CAMK2G: variants seen among roughly 807,000 people sequenced by gnomAD.
CAMK2G encodes the protein calcium/calmodulin-dependent protein kinase type II subunit gamma.
CAMK2G carries 23 observed loss-of-function variants against 88.7 expected under a neutral mutation model. That is an observed-to-expected ratio of 0.26 (90% CI 0.19 to 0.37). The LOEUF (loss-of-function observed/expected upper bound fraction) is 0.37, where lower values mean the gene tolerates loss of function less well. Among genes scored for constraint, CAMK2G ranks in the 10% least tolerant of loss-of-function variants. The pLI is 1.00. For missense variants in CAMK2G, 476 were observed against 780.8 expected (o/e 0.61, Z 4.65); for synonymous variants, 263 against 294.8 (o/e 0.89, Z 1.11).
chr10:73,830,208 C>G (rs1469637681), intron 14 of CAMK2G, among the ~76,000 whole-genome samples: 1 of 152,176 alleles, frequency 6.6e-6, no homozygotes, highest in African/African-American at 2.4e-5. Flanking sequence ...CAGGGATTTG[C>G]CCTTAGCCAT....
chr10:73,873,615 C>T (rs1591531647), intron 1 of CAMK2G: 3 of 766,430 alleles, frequency 3.9e-6, no homozygotes, highest in Non-Finnish European at 4.8e-6. Flanking sequence ...GCTCAACTGA[C>T]AGCAAGGGAA....
chr10:73,870,109 T>TA (rs958268170), intron 2 of CAMK2G, among the ~76,000 whole-genome samples: 5 of 152,080 alleles, frequency 3.3e-5, no homozygotes, highest in African/African-American at 1.2e-4. Flanking sequence ...GATTTAAAAA[T>TA]AAAAAAAGAC....
chr10:73,814,838 C>T (rs2084907382), intron 22 of CAMK2G, 165 bp downstream of exon 22: 2 of 601,292 alleles, frequency 3.3e-6, no homozygotes, highest in Non-Finnish European at 5.9e-6. Flanking sequence ...CCTAGTCTGT[C>T]TGATTTCCAA....
At chr10:73,868,246 G>A (rs1365974682) in intron 2 of CAMK2G, among the ~76,000 whole-genome samples, 1 of 152,188 alleles carries the variant, frequency 6.6e-6, no homozygotes, top group African/African-American at 2.4e-5. Context: ...CAAGGGTATG[G>A]TGACAAGGGA....
Position 73,819,763 on chromosome 10 carries a change from C to CA in CAMK2G, c.1250-119dup, listed in dbSNP as rs571480740. On this transcript the variant is annotated intron_variant, in intron 18 of 22. Coordinates refer to ENST00000423381, the MANE Select transcript of CAMK2G (RefSeq NM_001367534.1). The stretch of plus-strand genomic sequence containing the variant: ...AGCCCATGGCGCTGCAGAGCCGGGG[C>CA]AAGGGGACGCCTCGCCTCAGGCTGC... 1.0e-4 allele frequency: 66 copies of CA among 631,688 alleles called. No homozygotes were observed. In the African/African-American group the frequency reaches 1.2e-3, roughly 11 times the overall value. 39.1% of individuals were successfully genotyped at this position (631,688 alleles called of 1,614,324 possible).
intron 14 of CAMK2G, among the ~76,000 whole-genome samples, chr10:73,835,954 A>T (rs370809555): frequency 6.6e-6 from 1 of 151,520 alleles, no homozygotes; most frequent in Admixed American, 6.6e-5. Context: ...CCTGCCTCAG[A>T]CTCCCGAGTG....
intron 12 of CAMK2G, among the ~76,000 whole-genome samples, chr10:73,840,669 G>T (rs1003345546): frequency 5.9e-5 from 9 of 152,240 alleles, no homozygotes; most frequent in African/African-American, 1.7e-4. Flanking sequence ...CTGAAATGGA[G>T]GGGGAGGCTG....
rs549574825 is a variant in CAMK2G at position 73,836,779 on chromosome 10, G to C, written c.1053+689C>G. ...CCCCAAAGCATCTACAGAATGTCTTGGGCCCTGTGGGTAGCCCCAGTCACC... is the reference window on the plus strand; with the variant it reads ...CCCCAAAGCATCTACAGAATGTCTTCGGCCCTGTGGGTAGCCCCAGTCACC... On this transcript the variant is annotated intron_variant, in intron 14 of 22. Transcript: ENST00000423381. 2.6e-5 allele frequency among the ~76,000 whole-genome samples: 4 copies of C among 152,262 alleles called. No individual in the cohort carries two copies. In the East Asian group the frequency reaches 7.7e-4, roughly 29 times the overall value.
chr10:73,840,663 A>C (rs2093700130), intron 12 of CAMK2G, among the ~76,000 whole-genome samples: 1 of 152,162 alleles, frequency 6.6e-6, no homozygotes, highest in Non-Finnish European at 1.5e-5. Context: ...AGTTTCCTGA[A>C]ATGGAGGGGG....
At chr10:73,872,860 A>T in intron 2 of CAMK2G, 129 bp downstream of exon 2, 1 of 742,354 alleles carries the variant, frequency 1.3e-6, no homozygotes, top group South Asian at 1.5e-5. Context: ...CACAAAGTCC[A>T]ACCAGTCTGA....
intron 18 of CAMK2G, among the ~76,000 whole-genome samples, 167 bp from the exon 19 acceptor site, chr10:73,819,812 C>T (rs535867356): frequency 3.3e-5 from 5 of 152,356 alleles, no homozygotes; most frequent in South Asian, 4.1e-4. Flanking sequence ...CGACATCCCA[C>T]GCCGCCGCCT....
intron 5 of CAMK2G, among the ~76,000 whole-genome samples, chr10:73,851,445 G>A (rs1384728448): frequency 2.0e-5 from 3 of 152,148 alleles, no homozygotes; most frequent in Non-Finnish European, 4.4e-5. Context: ...GGCTGGTCAT[G>A]GTGGTCTAGG....
At chr10:73,820,492 A>ATATATATTTTTT (rs1554995765) in intron 18 of CAMK2G, among the ~76,000 whole-genome samples, 2 of 51,060 alleles carry the variant, frequency 3.9e-5, no homozygotes, top group African/African-American at 1.8e-4. Context: ...ATATATATAT[A>ATATATATTTTTT]TTTTTTTTTT....
chr10:73,856,271 C>T (rs192286639), intron 3 of CAMK2G, among the ~76,000 whole-genome samples: 222 of 152,306 alleles, frequency 1.5e-3, no homozygotes, highest in Non-Finnish European at 2.3e-3. Flanking sequence ...CCCAAAATCA[C>T]ACTAAGTGGC....
At chr10:73,814,978 CCT>C (rs1589667828) in intron 22 of CAMK2G, 23 bp downstream of exon 22, 1 of 1,517,868 alleles carries the variant, frequency 6.6e-7, no homozygotes, top group Non-Finnish European at 9.1e-7. Context: ...CCTTCCAGCC[CCT>C]CTCCCCCGTC....
chr10:73,831,659 C>T lies in CAMK2G; in HGVS notation c.1054-3538G>A, dbSNP rs151215545. ...TTGAGGCGGGCAGATCACCTGAGCT[C>T]AGGAGTTCAAGACTAGCCTGGGCAA... On this transcript the variant is annotated intron_variant, in intron 14 of 22. Transcript: ENST00000423381. 8.9e-3 allele frequency among the ~76,000 whole-genome samples: 1,345 copies of T among 150,680 alleles called. 15 individuals carry two copies. The highest frequency in any genetic ancestry group is 0.016 in the Non-Finnish European group (1,063 of 67,736).
chr10:73,835,458 A>G (rs1378884037), intron 14 of CAMK2G, among the ~76,000 whole-genome samples: 1 of 150,988 alleles, frequency 6.6e-6, no homozygotes, highest in East Asian at 1.9e-4. Context: ...CACTATGCCC[A>G]GTTAATTTTT....
At position 73,847,352 on chromosome 10, in the gene CAMK2G, G is replaced by C; in HGVS notation, c.697-5C>G. ...GTCCCATTCTGGTGATGGGAACTAAGGAGCAGGAATAGGGAGAAGAATGTG... is the reference window on the plus strand; with the variant it reads ...GTCCCATTCTGGTGATGGGAACTAACGAGCAGGAATAGGGAGAAGAATGTG... On this transcript the variant is annotated splice_polypyrimidine_tract_variant and splice_region_variant and intron_variant, in intron 9 of 22. Coordinates refer to ENST00000423381, the MANE Select transcript of CAMK2G (RefSeq NM_001367534.1). 6.2e-7 allele frequency: 1 copy of C among 1,614,130 alleles called. No individual in the cohort carries two copies. The highest frequency in any genetic ancestry group is 8.5e-7 in the Non-Finnish European group (1 of 1,179,988).
chr10:73,841,091 G>A (rs1000438135), intron 12 of CAMK2G, among the ~76,000 whole-genome samples: 13 of 152,210 alleles, frequency 8.5e-5, no homozygotes, highest in Non-Finnish European at 1.2e-4. Context: ...CTGGCCTTCC[G>A]GAGCTCCATG....
Sources: allele counts gnomAD v4.1 joint callset (sites outside exome capture counted in the v4.1 genomes callset), GRCh38; gene constraint gnomAD v4.1.1; transcripts MANE v1.5; gene names NCBI Gene and HGNC (gene_info 2026-07-23, HGNC 2026-07-21).